The following PRKACB variants were observed in gnomAD, a reference collection of about 807,000 sequenced individuals.
The protein encoded by PRKACB is protein kinase cAMP-activated catalytic subunit beta.
PRKACB carries 16 observed loss-of-function variants against 51.4 expected under a neutral mutation model. The ratio of observed to expected loss-of-function variants is 0.31; its 90% CI spans 0.21 to 0.47. PRKACB has a LOEUF of 0.47. Among genes scored for constraint, PRKACB ranks in the 20% least tolerant of loss-of-function variants. The pLI, the probability that PRKACB is intolerant of heterozygous loss-of-function variation, is 1.00. For synonymous variants in PRKACB, 147 were observed against 154.4 expected, an observed-to-expected ratio of 0.95 and a Z score of 0.35; for missense variants, 309 against 464.5, an observed-to-expected ratio of 0.67 and a Z score of 3.08.
intron 1 of PRKACB, among the ~76,000 whole-genome samples, chr1:84,135,535 A>G (rs950506017): frequency 6.6e-6 from 1 of 152,122 alleles, no homozygotes; most frequent in Admixed American, 6.5e-5. Context: ...TTGGCCATAA[A>G]CCACATTTAA....
chr1:84,199,091 ATATATGCATATATGTATATATATG>A (rs1558241823), intron 7 of PRKACB, among the ~76,000 whole-genome samples: 1 of 138,254 alleles, frequency 7.2e-6, no homozygotes, highest in African/African-American at 2.8e-5. Flanking sequence ...ATATATGCGT[ATATATGCATATATGTATATATATG>A]CATATATATA....
intron 2 of PRKACB, among the ~76,000 whole-genome samples, 164 bp from the exon 3 acceptor site, chr1:84,182,012 TAAATACTTTCTTATTCAAAGGGAA>T (rs1663670972): frequency 6.6e-6 from 1 of 152,040 alleles, no homozygotes; most frequent in African/African-American, 2.4e-5. Context: ...CCTCAGATAT[TAAATACTTTCTTATTCAAAGGGAA>T]AAATAGAACC....
At chr1:84,192,887 AT>A (rs1428366067) in intron 5 of PRKACB, among the ~76,000 whole-genome samples, 2 of 152,200 alleles carry the variant, frequency 1.3e-5, no homozygotes, top group African/African-American at 4.8e-5. Flanking sequence ...TATTTAGGTG[AT>A]TCGGTTTAAT....
upstream of PRKACB, among the ~76,000 whole-genome samples, chr1:84,139,606 T>G (rs1290661707): frequency 6.6e-6 from 1 of 152,156 alleles, no homozygotes; most frequent in East Asian, 1.9e-4. Context: ...ATGCTATGAT[T>G]ATGGATTGAA....
intron 1 of PRKACB, among the ~76,000 whole-genome samples, chr1:84,159,242 T>G (rs1655891102): frequency 6.6e-6 from 1 of 152,136 alleles, no homozygotes; most frequent in Non-Finnish European, 1.5e-5. Context: ...AATTGTTATT[T>G]TAACAATTTT....
At chr1:84,100,056 A>C (rs1339918505) in intron 1 of PRKACB, among the ~76,000 whole-genome samples, 2 of 152,214 alleles carry the variant, frequency 1.3e-5, no homozygotes, top group Non-Finnish European at 2.9e-5. Flanking sequence ...TTAATAAAGG[A>C]AAGAGGTTTT....
At chr1:84,217,246 G>A (rs1673011210) in intron 9 of PRKACB, among the ~76,000 whole-genome samples, 1 of 152,134 alleles carries the variant, frequency 6.6e-6, no homozygotes, top group South Asian at 2.1e-4. Flanking sequence ...CTTATAACCA[G>A]GTAATTTATT....
rs933229907 is a variant in PRKACB at position 84,180,208 on chromosome 1, A to ATATATATATATG, written c.249+971_249+972insATATATATATGT. On this transcript the variant is annotated intron_variant, in intron 2 of 9. Transcript: ENST00000370685. ...GATATATATATATATATATATATAT[A>ATATATATATATG]TGTATGATGGAGTACTATGCAGCCA... 1.4e-4 allele frequency among the ~76,000 whole-genome samples: 18 copies of ATATATATATATG among 129,932 alleles called. 1 individual carries two copies. The highest frequency in any genetic ancestry group is 4.9e-4 in the African/African-American group (18 of 37,028). The allele number at this position is 129,932 out of a possible 152,430, so 85.2% of individuals were successfully genotyped here. A position where few individuals can be genotyped will look rare whatever the true frequency, so the allele number is the denominator to read the frequency against.
chr1:84,158,551 C>A (rs139788915), intron 1 of PRKACB, among the ~76,000 whole-genome samples: 144 of 147,258 alleles, frequency 9.8e-4, no homozygotes, highest in Middle Eastern at 3.4e-3. Flanking sequence ...CTCAATAATT[C>A]TTTGTATATT....
chr1:84,205,149 G>T (rs1394032422), intron 8 of PRKACB: 1 of 982,492 alleles, frequency 1.0e-6, no homozygotes, highest in Non-Finnish European at 1.2e-6. Flanking sequence ...CCCCATGTGG[G>T]ATATAAAATT....
chr1:84,224,003 A>G (rs1674167085), intron 9 of PRKACB, among the ~76,000 whole-genome samples: 1 of 152,092 alleles, frequency 6.6e-6, no homozygotes, highest in Non-Finnish European at 1.5e-5. Flanking sequence ...CTGTGGATGT[A>G]TTATCATGTT....
intron 1 of PRKACB, chr1:84,175,812 G>T: frequency 6.4e-7 from 1 of 1,564,662 alleles, no homozygotes; most frequent in South Asian, 1.2e-5. Flanking sequence ...CCTTTGGTAT[G>T]CTCATTTCCT....
intron 1 of PRKACB, among the ~76,000 whole-genome samples, chr1:84,165,475 A>G (rs1030003435): frequency 2.0e-5 from 3 of 151,776 alleles, no homozygotes; most frequent in Non-Finnish European, 4.4e-5. Flanking sequence ...AATTTTGTTG[A>G]TGTCTTGGTT....
upstream of PRKACB, among the ~76,000 whole-genome samples, chr1:84,143,459 TAGAG>T (rs571431576): frequency 0.01 from 1,524 of 150,616 alleles, 15 homozygotes; most frequent in Non-Finnish European, 0.016. Context: ...TAAAAAAAAA[TAGAG>T]AGGTGTTTCT....
intron 1 of PRKACB, among the ~76,000 whole-genome samples, chr1:84,099,177 T>C (rs1418439664): frequency 6.6e-6 from 1 of 152,136 alleles, no homozygotes; most frequent in Non-Finnish European, 1.5e-5. Context: ...CAATTTTATT[T>C]GTAGTGTTAA....
At chr1:84,202,277 ATC>A (rs1670352835) in intron 7 of PRKACB, among the ~76,000 whole-genome samples, 1 of 152,022 alleles carries the variant, frequency 6.6e-6, no homozygotes, top group African/African-American at 2.4e-5. Context: ...AAAACTTTTG[ATC>A]TTTCTAGGCA....
At position 84,112,281 on chromosome 1, in the gene PRKACB, G is replaced by A. The variant is rs1439952950; in HGVS notation, c.46+33910G>A. On this transcript the variant is annotated intron_variant, in intron 1 of 8. Coordinates refer to the PRKACB transcript ENST00000370688. ...GGAATCTCACTCTGTCTCCCAGGCC[G>A]GAGTGCAGTGGTGCAATCTCAGCTC... Among the ~76,000 whole-genome samples the A allele has an allele frequency of 5.7e-5, 8 of 141,256 alleles. No homozygotes were observed. In the East Asian group the frequency reaches 1.5e-3, roughly 26 times the overall value. The allele number at this position is 141,256 out of a possible 152,430, so 92.7% of individuals were successfully genotyped here. A position where few individuals can be genotyped will look rare whatever the true frequency, so the allele number is the denominator to read the frequency against.
intron 1 of PRKACB, chr1:84,164,470 T>C: frequency 6.5e-7 from 1 of 1,548,638 alleles, no homozygotes. Context: ...TTGAAAGATG[T>C]AAAAAGCGTA....
Position 84,202,680 on chromosome 1 carries a change from C to A in PRKACB, c.784-3C>A. On this transcript the variant is annotated splice_polypyrimidine_tract_variant and splice_region_variant and intron_variant, in intron 7 of 9. Transcript: ENST00000370685. ...AATTGACATTGGTGTTGGTTTATCT[C>A]AGGGCTACAATAAGGCAGTGGATTG... 1 of 1,596,444 alleles carries A rather than the reference C, an allele frequency of 6.3e-7. No homozygotes were observed. The highest frequency in any genetic ancestry group is 2.3e-5 in the East Asian group (1 of 44,392).
Sources: gnomAD v4.1 joint callset for allele counts (sites outside exome capture counted in the v4.1 genomes callset) on GRCh38, gnomAD v4.1.1 for gene constraint, MANE v1.5 for transcripts, NCBI Gene and HGNC (gene_info 2026-07-23, HGNC 2026-07-21) for gene names.